Variants in PI4K2B observed in about 807,000 individuals in gnomAD.
PI4K2B encodes the protein phosphatidylinositol 4-kinase type 2 beta.
A neutral mutation model predicts 56.6 loss-of-function variants in PI4K2B; 46 were observed. The observed-to-expected ratio is 0.81, with a 90% CI of 0.64 to 1.04. The LOEUF (loss-of-function observed/expected upper bound fraction) is 1.04, where lower values mean the gene tolerates loss of function less well. Among genes scored for constraint, PI4K2B ranks in the 50% least tolerant of loss-of-function variants. PI4K2B has a pLI of 0.00. For missense variants in PI4K2B, 556 were observed against 607.7 expected, an observed-to-expected ratio of 0.91 and a Z score of 0.89; for synonymous variants, 211 against 223.8, an observed-to-expected ratio of 0.94 and a Z score of 0.51.
chr4:25,278,252 T>C lies in PI4K2B; in HGVS notation c.*1065T>C, dbSNP rs1353005175. On this transcript the variant is annotated 3_prime_UTR_variant, in exon 10 of 10. Transcript: ENST00000264864. ...ATGTATTTTTGTACTTTATTTTGAA[T>C]ATCATCCATATGTCTGACATTATTG... 6.6e-6 allele frequency: 1 copy of C among 152,228 alleles called. No homozygotes were observed. Among genetic ancestry groups the C allele is most frequent in the African/African-American group, 2.4e-5 (1 of 41,466 alleles). 9.4% of individuals were successfully genotyped at this position (152,228 alleles called of 1,614,324 possible).
At chr4:25,261,486 T>G (rs1716476885) in intron 6 of PI4K2B, among the ~76,000 whole-genome samples, 1 of 152,206 alleles carries the variant, frequency 6.6e-6, no homozygotes, top group Admixed American at 6.5e-5. Flanking sequence ...TAAAACAGTT[T>G]GTACATTTGG....
intron 6 of PI4K2B, among the ~76,000 whole-genome samples, chr4:25,260,971 G>T (rs1378636189): frequency 6.7e-6 from 1 of 150,252 alleles, no homozygotes; most frequent in African/African-American, 2.5e-5. Context: ...GCCTCCCAAA[G>T]TGCTGGGATT....
chr4:25,241,815 T>G (rs988686120), intron 1 of PI4K2B, among the ~76,000 whole-genome samples: 1 of 152,188 alleles, frequency 6.6e-6, no homozygotes. Context: ...CTATCTCGGC[T>G]CCCTCTGTGA....
chr4:25,238,566 G>A (rs1715368247), intron 1 of PI4K2B, among the ~76,000 whole-genome samples: 1 of 152,088 alleles, frequency 6.6e-6, no homozygotes, highest in Non-Finnish European at 1.5e-5. Flanking sequence ...TGTGTTCGGA[G>A]TTTCTTCCTT....
At chr4:25,248,971 GTT>G (rs529757045) in intron 1 of PI4K2B, among the ~76,000 whole-genome samples, 1,726 of 152,208 alleles carry the variant, frequency 0.011, 25 homozygotes, top group African/African-American at 0.039. Flanking sequence ...CTTCCGCAGT[GTT>G]TGTGTCTCTG....
chr4:25,249,491 G>A (rs1394452429), intron 1 of PI4K2B, among the ~76,000 whole-genome samples: 10 of 146,250 alleles, frequency 6.8e-5, no homozygotes, highest in Non-Finnish European at 1.0e-4. Flanking sequence ...GCTGCCCCCC[G>A]CCTCCCGGAC....
intron 1 of PI4K2B, among the ~76,000 whole-genome samples, chr4:25,242,190 G>T (rs567057515): frequency 1.3e-5 from 2 of 152,302 alleles, no homozygotes; most frequent in Non-Finnish European, 2.9e-5. Flanking sequence ...TAGACACCTT[G>T]TACCCTTGAT....
chr4:25,271,832 T>C (rs986288795), intron 9 of PI4K2B, among the ~76,000 whole-genome samples: 5 of 152,208 alleles, frequency 3.3e-5, no homozygotes, highest in African/African-American at 1.2e-4. Context: ...AGTTAACACC[T>C]GAGGAATTTA....
chr4:25,237,573 T>G (rs1456514317), intron 1 of PI4K2B, among the ~76,000 whole-genome samples: 1 of 152,058 alleles, frequency 6.6e-6, no homozygotes, highest in Non-Finnish European at 1.5e-5. Context: ...ACCATGTTGG[T>G]CAGGCTGGTC....
chr4:25,255,036 C>T, intron 2 of PI4K2B, 29 bp from the exon 3 acceptor site: 1 of 1,444,738 alleles, frequency 6.9e-7, no homozygotes, highest in African/African-American at 1.4e-5. Flanking sequence ...TGTAAAAAGT[C>T]TAATAAGATT....
intron 1 of PI4K2B, among the ~76,000 whole-genome samples, chr4:25,242,809 C>G (rs189347439): frequency 6.6e-6 from 1 of 152,164 alleles, no homozygotes; most frequent in Non-Finnish European, 1.5e-5. Flanking sequence ...TTTTGCCCTT[C>G]GAAAGTGTCC....
intron 1 of PI4K2B, among the ~76,000 whole-genome samples, chr4:25,236,665 CT>C (rs1294851944): frequency 6.6e-6 from 1 of 152,162 alleles, no homozygotes; most frequent in Non-Finnish European, 1.5e-5. Context: ...TAGCTCAGGT[CT>C]TCAGAGGTAA....
intron 9 of PI4K2B, among the ~76,000 whole-genome samples, chr4:25,274,050 G>C (rs1717009191): frequency 6.6e-6 from 1 of 151,954 alleles, no homozygotes. Context: ...AACTCCTCCT[G>C]TTCTGATTTT....
chr4:25,259,075 G>A lies in PI4K2B; in HGVS notation c.795G>A (p.Glu265=). Residue 265 remains glutamate (E), a synonymous_variant, in exon 5 of 10, where the codon GAG becomes GAA. Coordinates refer to ENST00000264864, the MANE Select transcript of PI4K2B (RefSeq NM_018323.4). ...SFQLFVEGYK[E]AEYWLRKFEA... is the part of the protein sequence containing the mutation. ...AGTTATTTGTTGAAGGTTACAAGGA[G>A]GCTGAATATTGGCTTAGGAAATTTG... 1.9e-6 allele frequency: 3 copies of A among 1,589,986 alleles called. No individual in the cohort carries two copies. Among genetic ancestry groups the A allele is most frequent in the South Asian group, 1.1e-5 (1 of 90,032 alleles).
At chr4:25,276,834 C>T (rs1000633889) in intron 9 of PI4K2B, 180 bp from the exon 10 acceptor site, 30 of 982,496 alleles carry the variant, frequency 3.1e-5, no homozygotes, top group Middle Eastern at 5.2e-4. Flanking sequence ...TGTGTGTGCG[C>T]GTGTGTGTGT....
rs139024134 is a variant in PI4K2B at position 25,249,685 on chromosome 4, G to C, written c.269-2636G>C. Among the ~76,000 whole-genome samples the C allele has an allele frequency of 0.015, 2,239 of 145,824 alleles. 126 individuals are homozygous for C. In the East Asian group the frequency reaches 0.19, roughly 12 times the overall value. On this transcript the variant is annotated intron_variant, in intron 1 of 9. Coordinates refer to ENST00000264864, the MANE Select transcript of PI4K2B (RefSeq NM_018323.4). ...GGGTGGCGGCAGGGCAGACACTCCT[G>C]GGTTCCCAGACGGGGTGGCGGCCGG...
rs113015006 is a variant in PI4K2B at position 25,263,433 on chromosome 4, AT to A, written c.979-316del. 3.3e-3 allele frequency among the ~76,000 whole-genome samples: 510 copies of A among 152,328 alleles called. 4 individuals carry two copies. Among genetic ancestry groups the A allele is most frequent in the African/African-American group, 0.011 (466 of 41,578 alleles). On this transcript the variant is annotated intron_variant, in intron 6 of 9. Transcript: ENST00000264864. The stretch of plus-strand genomic sequence containing the variant: ...TTTACATCATACATTTAAGCAATGA[AT>A]CTAGCAGTAAATTATCTAGAACATC...
rs71188933 is a variant in PI4K2B, at chr4:25,265,198, CAAAAAAA to C, written c.1078+1366_1078+1372del. 3.7e-3 allele frequency among the ~76,000 whole-genome samples: 241 copies of C among 65,408 alleles called. 6 individuals are homozygous for C. Among genetic ancestry groups the C allele is most frequent in the African/African-American group, 0.015 (229 of 14,928 alleles). 42.9% of individuals were successfully genotyped at this position (65,408 alleles called of 152,430 possible). A position where few individuals can be genotyped will look rare whatever the true frequency, so the allele number is the denominator to read the frequency against. ...CAACAAGAGTAAATCTCTGTCTCAC[CAAAAAAA>C]AAAAAAAAAAAAAAAATTTGTATCC... is the stretch of plus-strand genomic sequence containing the variant. On this transcript the variant is annotated intron_variant, in intron 7 of 9. Coordinates refer to ENST00000264864, the MANE Select transcript of PI4K2B (RefSeq NM_018323.4).
At position 25,269,463 on chromosome 4, in the gene PI4K2B, C is replaced by T. The variant is rs12640167; in HGVS notation, c.1272+260C>T. On this transcript the variant is annotated intron_variant, in intron 9 of 9. Transcript: ENST00000264864. ...ACCAGCCTGGCCAACATGGTGAAAC[C>T]CCATCTCTACTAAAAATACAAAAAA... is the stretch of plus-strand genomic sequence containing the variant. 1.1e-4 allele frequency among the ~76,000 whole-genome samples: 17 copies of T among 151,956 alleles called. No individual in the cohort carries two copies. In the East Asian group the frequency reaches 3.1e-3, roughly 28 times the overall value.
Sources: allele counts gnomAD v4.1 joint callset (sites outside exome capture counted in the v4.1 genomes callset), GRCh38; gene constraint gnomAD v4.1.1; transcripts MANE v1.5; gene names NCBI Gene and HGNC (gene_info 2026-07-23, HGNC 2026-07-21).